The following OR4N2 variants were observed in gnomAD, a reference collection of about 807,000 sequenced individuals.
OR4N2 encodes the protein olfactory receptor family 4 subfamily N member 2, also known as olfactory receptor 4N2.
For missense variants in OR4N2, 307 were observed against 377.6 expected (o/e 0.81, Z 1.55); for synonymous variants, 141 against 140.4 (o/e 1.00, Z -0.03).
intron 1 of OR4N2, among the ~76,000 whole-genome samples, chr14:19,815,655 G>GTTTTTTTTTTTT (rs59019427): frequency 3.2e-4 from 45 of 138,482 alleles, no homozygotes; most frequent in Non-Finnish European, 3.9e-4. Context: ...GTTTTTTTTT[G>GTTTTTTTTTTTT]TTTTTTTTTT....
At chr14:19,820,728 G>A (rs1489106899) in intron 1 of OR4N2, among the ~76,000 whole-genome samples, 1 of 152,262 alleles carries the variant, frequency 6.6e-6, no homozygotes, top group African/African-American at 2.4e-5. Context: ...TATTTACACT[G>A]TGAAGGGAAA....
intron 1 of OR4N2, among the ~76,000 whole-genome samples, chr14:19,827,154 A>G (rs1879719460): frequency 6.6e-6 from 1 of 152,276 alleles, no homozygotes; most frequent in East Asian, 1.9e-4. Flanking sequence ...GAATGTAGGA[A>G]TCCCAACGTG....
In OR4N2 at chr14:19,827,526, G is replaced by A. The variant is rs200024044; in HGVS notation, c.78G>A (p.Leu26=). Residue 26 remains leucine, a synonymous_variant, in exon 2 of 2, where the codon CTG becomes CTA. Coordinates refer to ENST00000557677, the MANE Select transcript of OR4N2 (RefSeq NM_001004723.3). The stretch of plus-strand genomic sequence containing the variant: ...CCCAGTCTCAAGATATTCAGCTCCT[G>A]GTCTTTGTGCTAGTTTTAATATTCT... ...GLTQSQDIQL[L]VFVLVLIFYF... The A allele has an allele frequency of 5.9e-5, 95 of 1,613,890 alleles. No homozygotes were observed. The South Asian group carries it at 6.5e-4, about 11-fold the overall frequency.
At chr14:19,826,586 T>C (rs1288764505) in intron 1 of OR4N2, among the ~76,000 whole-genome samples, 1 of 152,252 alleles carries the variant, frequency 6.6e-6, no homozygotes, top group Non-Finnish European at 1.5e-5. Flanking sequence ...ACTTTATGAG[T>C]TGAGATAATG....
chr14:19,816,749 G>A (rs1896078770), intron 1 of OR4N2, among the ~76,000 whole-genome samples: 1 of 152,262 alleles, frequency 6.6e-6, no homozygotes, highest in African/African-American at 2.4e-5. Context: ...AGGATGGTGA[G>A]AAAGGGCATC....
intron 1 of OR4N2, among the ~76,000 whole-genome samples, chr14:19,806,159 T>C (rs1289419406): frequency 6.6e-6 from 1 of 152,106 alleles, no homozygotes; most frequent in South Asian, 2.1e-4. Context: ...TATGAAGCAC[T>C]ACACAGTCAA....
intron 1 of OR4N2, among the ~76,000 whole-genome samples, chr14:19,807,183 GA>G (rs201384928): frequency 0.15 from 20,483 of 140,086 alleles, 352 homozygotes; most frequent in East Asian, 0.19. Flanking sequence ...AAAGGAACTA[GA>G]AAAAAAAAAA....
At chr14:19,809,332 G>A (rs546946670) in intron 1 of OR4N2, among the ~76,000 whole-genome samples, 2 of 152,316 alleles carry the variant, frequency 1.3e-5, no homozygotes, top group South Asian at 4.1e-4. Context: ...AAAGGTAATT[G>A]CAACAAAAAC....
At chr14:19,807,428 G>T (rs1309893560) in intron 1 of OR4N2, among the ~76,000 whole-genome samples, 1 of 151,942 alleles carries the variant, frequency 6.6e-6, no homozygotes, top group African/African-American at 2.4e-5. Flanking sequence ...AAATACAAAA[G>T]ATACTCAAAG....
chr14:19,804,082 TTC>T lies in OR4N2; in HGVS notation c.-10+242_-10+243del, dbSNP rs540860742. 3.3e-5 allele frequency among the ~76,000 whole-genome samples: 5 copies of T among 152,348 alleles called. No homozygotes were observed. In the South Asian group the frequency reaches 1.0e-3, roughly 32 times the overall value. ...TTCTGACTGTGTTTATTTTTCTCTC[TTC>T]TCTTTTTTGCTTTATTAGTCTAGCC... On this transcript the variant is annotated intron_variant, in intron 1 of 1. Transcript: ENST00000557677.
At chr14:19,813,340 C>G (rs1195620481) in intron 1 of OR4N2, among the ~76,000 whole-genome samples, 1 of 152,216 alleles carries the variant, frequency 6.6e-6, no homozygotes, top group Non-Finnish European at 1.5e-5. Context: ...GAATGCCATG[C>G]GAGCTGTCAC....
chr14:19,814,091 A>G (rs10134337), intron 1 of OR4N2, among the ~76,000 whole-genome samples: 6,613 of 151,564 alleles, frequency 0.044, 134 homozygotes, highest in African/African-American at 0.15. Context: ...TCACTTGTAA[A>G]GTGACCCATA....
At chr14:19,810,799 T>A (rs1164901457) in intron 1 of OR4N2, among the ~76,000 whole-genome samples, 1 of 152,230 alleles carries the variant, frequency 6.6e-6, no homozygotes, top group East Asian at 1.9e-4. Flanking sequence ...AGTAGAATGA[T>A]GAATTTTAAA....
chr14:19,816,181 G>C (rs1359780677), intron 1 of OR4N2, among the ~76,000 whole-genome samples: 1 of 130,734 alleles, frequency 7.6e-6, no homozygotes, highest in Non-Finnish European at 1.8e-5. Context: ...TGGCTATACA[G>C]GCTCTTTTTT....
intron 1 of OR4N2, among the ~76,000 whole-genome samples, chr14:19,805,641 G>T (rs1375906865): frequency 2.6e-5 from 4 of 152,230 alleles, no homozygotes; most frequent in Middle Eastern, 3.4e-3. Flanking sequence ...GAAGGACAGA[G>T]AATAAACAAC....
intron 1 of OR4N2, among the ~76,000 whole-genome samples, chr14:19,804,468 T>C (rs1400480158): frequency 1.3e-5 from 2 of 152,242 alleles, no homozygotes; most frequent in Non-Finnish European, 2.9e-5. Flanking sequence ...TACCCAAAAG[T>C]CATTCAGGAG....
At chr14:19,807,600 A>G (rs770793644) in intron 1 of OR4N2, among the ~76,000 whole-genome samples, 1 of 152,060 alleles carries the variant, frequency 6.6e-6, no homozygotes, top group Non-Finnish European at 1.5e-5. Context: ...AAAAAAGCCT[A>G]TGAACCAAAG....
In OR4N2 at chr14:19,829,292, C is replaced by T. The variant is rs1594405779; in HGVS notation, c.*920C>T. The T allele has an allele frequency of 6.6e-6, 1 of 152,290 alleles. No individual in the cohort carries two copies. Among genetic ancestry groups the T allele is most frequent in the South Asian group, 2.1e-4 (1 of 4,830 alleles). The allele number at this position is 152,290 out of a possible 1,614,324, so 9.4% of individuals were successfully genotyped here. A position where few individuals can be genotyped will look rare whatever the true frequency, so the allele number is the denominator to read the frequency against. On this transcript the variant is annotated 3_prime_UTR_variant, in exon 2 of 2. Transcript: ENST00000557677. ...TATGACTTTTAGCTGTATGTTTGAC[C>T]TTATTGCCAATTGATTTCACTCTAA...
chr14:19,822,955 C>T (rs747376880), intron 1 of OR4N2, among the ~76,000 whole-genome samples: 6 of 152,198 alleles, frequency 3.9e-5, no homozygotes, highest in African/African-American at 7.2e-5. Context: ...ACCAGGGATC[C>T]TTTTATGTTA....
Sources: allele counts gnomAD v4.1 joint callset (sites outside exome capture counted in the v4.1 genomes callset), GRCh38; gene constraint gnomAD v4.1.1; transcripts MANE v1.5; gene names NCBI Gene and HGNC (gene_info 2026-07-23, HGNC 2026-07-21).